The following SGIP1 variants were observed in gnomAD, a reference collection of about 807,000 sequenced individuals.
The protein encoded by SGIP1 is SH3GL interacting endocytic adaptor 1.
SGIP1 carries 38 observed loss-of-function variants against 107.5 expected under a neutral mutation model. That is an observed-to-expected ratio of 0.35 (90% CI 0.27 to 0.46). The LOEUF is 0.46. Ranked by LOEUF, SGIP1 falls within the 20% of genes least tolerant of loss-of-function variation. The pLI is 1.00. For missense variants in SGIP1, 929 were observed against 1,019.5 expected (o/e 0.91, Z 1.21); for synonymous variants, 365 against 366.1 (o/e 1.00, Z 0.03).
chr1:66,658,018 A>G (rs2080128881), intron 7 of SGIP1, among the ~76,000 whole-genome samples: 1 of 152,188 alleles, frequency 6.6e-6, no homozygotes, highest in Non-Finnish European at 1.5e-5. Context: ...AGCTGCTGCC[A>G]TAGCAAAACA....
chr1:66,734,161 A>C (rs2094133204), intron 21 of SGIP1, among the ~76,000 whole-genome samples: 1 of 152,184 alleles, frequency 6.6e-6, no homozygotes, highest in African/African-American at 2.4e-5. Context: ...ATACTAATTA[A>C]GATTATAAGT....
At position 66,744,089 on chromosome 1, in the gene SGIP1, A is replaced by G. The variant is rs2150798331; in HGVS notation, c.*994A>G. 1 of 152,314 alleles carries G rather than the reference A, an allele frequency of 6.6e-6. No homozygotes were observed. The highest frequency in any genetic ancestry group is 1.9e-4 in the East Asian group (1 of 5,190). The allele number at this position is 152,314 out of a possible 1,614,324, so 9.4% of individuals were successfully genotyped here. ...ACCTCACGTCTTCCTCTTTACCCACAGGAATCAAAACGCTGAGACTGAGAA... is the reference window on the plus strand; with the variant it reads ...ACCTCACGTCTTCCTCTTTACCCACGGGAATCAAAACGCTGAGACTGAGAA... On this transcript the variant is annotated 3_prime_UTR_variant, in exon 25 of 25. Transcript: ENST00000371037.
intron 8 of SGIP1, among the ~76,000 whole-genome samples, chr1:66,661,213 G>A (rs1209796993): frequency 6.6e-6 from 1 of 152,200 alleles, no homozygotes; most frequent in Non-Finnish European, 1.5e-5. Context: ...TGGTTGCCTG[G>A]TTTGTTGGGA....
At chr1:66,567,134 C>G (rs1362469973) in intron 1 of SGIP1, among the ~76,000 whole-genome samples, 1 of 151,238 alleles carries the variant, frequency 6.6e-6, no homozygotes, top group Non-Finnish European at 1.5e-5. Flanking sequence ...CAGTTGGTTC[C>G]ATGTTCCTAT....
chr1:66,555,392 T>C (rs1046639623), intron 1 of SGIP1, among the ~76,000 whole-genome samples: 6 of 152,138 alleles, frequency 3.9e-5, no homozygotes, highest in Admixed American at 3.9e-4. Context: ...ACCAGGGCTG[T>C]TTTCTGCAAC....
rs532186851 is a variant in SGIP1 at position 66,697,548 on chromosome 1, C to G, written c.1630+2055C>G. ...ATCATGAATGTTGGTGTCACTGTTT[C>G]TCTCGCTAAAAAATGTTTATGCAGA... On this transcript the variant is annotated intron_variant, in intron 18 of 24. Coordinates refer to ENST00000371037, the MANE Select transcript of SGIP1 (RefSeq NM_032291.4). Among the ~76,000 whole-genome samples the G allele has an allele frequency of 1.2e-4, 19 of 152,286 alleles. No individual in the cohort carries two copies. The East Asian group carries it at 3.7e-3, about 29-fold the overall frequency.
chr1:66,676,624 C>T (rs1209757960), intron 12 of SGIP1, among the ~76,000 whole-genome samples: 2 of 152,130 alleles, frequency 1.3e-5, no homozygotes, highest in African/African-American at 4.8e-5. Context: ...TTAAATCAAC[C>T]AACTTACAGC....
intron 21 of SGIP1, among the ~76,000 whole-genome samples, chr1:66,736,215 T>C (rs962574567): frequency 1.4e-5 from 2 of 145,512 alleles, no homozygotes; most frequent in African/African-American, 5.0e-5. Context: ...AATATAAATA[T>C]TTATACAAAT....
At chr1:66,668,382 G>T (rs994352557) in intron 9 of SGIP1, among the ~76,000 whole-genome samples, 4 of 152,016 alleles carry the variant, frequency 2.6e-5, no homozygotes, top group Non-Finnish European at 5.9e-5. Context: ...GTAGAGACAG[G>T]GTTTCGCCAT....
intron 1 of SGIP1, among the ~76,000 whole-genome samples, chr1:66,616,728 A>G (rs757328236): frequency 3.9e-4 from 60 of 152,224 alleles, no homozygotes; most frequent in Non-Finnish European, 1.5e-4. Flanking sequence ...GGCACAGCAA[A>G]CACCAAGTCC....
intron 13 of SGIP1, among the ~76,000 whole-genome samples, chr1:66,679,130 A>G (rs949889644): frequency 6.6e-6 from 1 of 152,192 alleles, no homozygotes; most frequent in Admixed American, 6.5e-5. Flanking sequence ...TTTGCTTCTA[A>G]CTTTAAAAAA....
intron 17 of SGIP1, among the ~76,000 whole-genome samples, chr1:66,691,927 G>A (rs551547599): frequency 6.6e-5 from 10 of 152,230 alleles, no homozygotes; most frequent in South Asian, 2.1e-4. Flanking sequence ...TTGGGAGGCC[G>A]AGGCGGGCAG....
At chr1:66,594,710 C>T (rs11811511) in intron 1 of SGIP1, among the ~76,000 whole-genome samples, 7,715 of 152,076 alleles carry the variant, frequency 0.051, 597 homozygotes, top group African/African-American at 0.17. Context: ...GGAGAAAGAG[C>T]GGCAGTGGAG....
chr1:66,598,028 A>G (rs1403773109), intron 1 of SGIP1, among the ~76,000 whole-genome samples: 1 of 152,106 alleles, frequency 6.6e-6, no homozygotes, highest in Non-Finnish European at 1.5e-5. Context: ...ATGGAGAAAA[A>G]TGAGTTCTCC....
At chr1:66,613,120 G>T (rs945494101) in intron 1 of SGIP1, among the ~76,000 whole-genome samples, 2 of 152,002 alleles carry the variant, frequency 1.3e-5, no homozygotes, top group East Asian at 1.9e-4. Context: ...TTTGTCTTTT[G>T]GTGTTGTAGA....
intron 23 of SGIP1, 54 bp from the exon 24 acceptor site, chr1:66,741,218 T>C: frequency 6.7e-7 from 1 of 1,486,658 alleles, no homozygotes; most frequent in Non-Finnish European, 9.0e-7. Flanking sequence ...CCTCCAAAAT[T>C]ATATCCGAAA....
At position 66,721,689 on chromosome 1, in the gene SGIP1, G is replaced by A. The variant is rs552884876; in HGVS notation, c.1742+2284G>A. Among the ~76,000 whole-genome samples, 7 of 152,230 alleles carry A rather than the reference G, an allele frequency of 4.6e-5. No homozygotes were observed. In the South Asian group the frequency reaches 6.2e-4, roughly 14 times the overall value. On this transcript the variant is annotated intron_variant, in intron 19 of 24. Coordinates refer to ENST00000371037, the MANE Select transcript of SGIP1 (RefSeq NM_032291.4). ...CTCCCAAAGAGCTAGGATTACAGGCGTGAGCCACTGTGCCTGGCCAGAATT... is the reference window on the plus strand; with the variant it reads ...CTCCCAAAGAGCTAGGATTACAGGCATGAGCCACTGTGCCTGGCCAGAATT...
intron 1 of SGIP1, among the ~76,000 whole-genome samples, chr1:66,562,724 A>G (rs2059130354): frequency 6.6e-6 from 1 of 152,090 alleles, no homozygotes. Context: ...TCAAGGGGAA[A>G]GAAAAAATTG....
intron 1 of SGIP1, among the ~76,000 whole-genome samples, chr1:66,570,986 A>G (rs764843301): frequency 2.0e-5 from 3 of 152,000 alleles, no homozygotes; most frequent in Non-Finnish European, 4.4e-5. Flanking sequence ...CCTCTTGGAA[A>G]TAAATCTGAT....
Sources: gnomAD v4.1 joint callset for allele counts (sites outside exome capture counted in the v4.1 genomes callset) on GRCh38, gnomAD v4.1.1 for gene constraint, MANE v1.5 for transcripts, NCBI Gene and HGNC (gene_info 2026-07-23, HGNC 2026-07-21) for gene names.